The following PXDNL variants were observed in gnomAD, a reference collection of about 807,000 sequenced individuals.
The protein encoded by PXDNL is probable oxidoreductase PXDNL.
Under a neutral mutation model 150.8 loss-of-function variants are expected in PXDNL, and 145 were observed. The ratio of observed to expected loss-of-function variants is 0.96; its 90% confidence interval spans 0.84 to 1.10. The LOEUF (loss-of-function observed/expected upper bound fraction) is 1.10. Among genes scored for constraint, PXDNL ranks in the 50% least tolerant of loss-of-function variants. PXDNL has a pLI of 0.00. For synonymous variants in PXDNL, 757 were observed against 725.7 expected (o/e 1.04, Z -0.69); for missense variants, 2,087 against 1,873.9 (o/e 1.11, Z -2.10).
In PXDNL at chr8:51,533,729, C is replaced by T. The variant is rs561104590; in HGVS notation, c.380+23111G>A. ...CTCCAGCTCCTAACCGCGAGTGATC[C>T]GCCAGCCTCGGCCTCCCGAGGTGCC... On this transcript the variant is annotated intron_variant, in intron 4 of 22. Transcript: ENST00000356297. Among the ~76,000 whole-genome samples the T allele has an allele frequency of 5.4e-4, 82 of 151,144 alleles. 2 individuals carry two copies. In the South Asian group the frequency reaches 0.017, roughly 31 times the overall value.
At chr8:51,691,316 G>A (rs1815992102) in intron 1 of PXDNL, among the ~76,000 whole-genome samples, 1 of 152,198 alleles carries the variant, frequency 6.6e-6, no homozygotes, top group Non-Finnish European at 1.5e-5. Flanking sequence ...TAACATTTAA[G>A]TCTTTAATCC....
chr8:51,644,736 T>C (rs4873567), intron 2 of PXDNL, among the ~76,000 whole-genome samples: 125,868 of 151,484 alleles, frequency 0.83, 52,639 homozygotes, highest in African/African-American at 0.92. Flanking sequence ...GGATTACAGG[T>C]GTGAGTCACC....
intron 17 of PXDNL, among the ~76,000 whole-genome samples, chr8:51,402,428 A>T (rs1808282897): frequency 6.6e-6 from 1 of 151,986 alleles, no homozygotes; most frequent in Non-Finnish European, 1.5e-5. Context: ...CTGAGGCAGG[A>T]GAATCACTTG....
intron 1 of PXDNL, among the ~76,000 whole-genome samples, chr8:51,778,227 C>T (rs979866318): frequency 1.3e-5 from 2 of 150,878 alleles, no homozygotes; most frequent in Non-Finnish European, 2.9e-5. Context: ...TGCAGTGAGC[C>T]GAGATCGCGC....
intron 1 of PXDNL, among the ~76,000 whole-genome samples, chr8:51,767,108 TG>T (rs2037240048): frequency 6.6e-6 from 1 of 152,126 alleles, no homozygotes; most frequent in South Asian, 2.1e-4. Context: ...CTTTAGTTCT[TG>T]GAACATATTT....
At chr8:51,341,258 A>G (rs1805977623) in intron 20 of PXDNL, among the ~76,000 whole-genome samples, 1 of 152,224 alleles carries the variant, frequency 6.6e-6, no homozygotes, top group African/African-American at 2.4e-5. Flanking sequence ...CAACAATACT[A>G]CATTTTAAGC....
At chr8:51,490,590 T>C (rs964766256) in intron 5 of PXDNL, among the ~76,000 whole-genome samples, 13 of 149,872 alleles carry the variant, frequency 8.7e-5, no homozygotes, top group African/African-American at 2.9e-4. Flanking sequence ...TGTATATGTA[T>C]ATATATATAT....
chr8:51,781,758 T>C (rs1201645282), intron 1 of PXDNL, among the ~76,000 whole-genome samples: 1 of 152,240 alleles, frequency 6.6e-6, no homozygotes, highest in African/African-American at 2.4e-5. Context: ...GCTGCTCACA[T>C]GAGCTCACGA....
intron 17 of PXDNL, among the ~76,000 whole-genome samples, chr8:51,402,688 C>T (rs760950854): frequency 8.5e-5 from 13 of 152,148 alleles, no homozygotes; most frequent in Non-Finnish European, 1.5e-4. Flanking sequence ...GGCCCATGGC[C>T]TCTCTGGAAA....
chr8:51,784,284 A>ATC (rs2037441040), intron 1 of PXDNL, among the ~76,000 whole-genome samples: 1 of 152,220 alleles, frequency 6.6e-6, no homozygotes, highest in African/African-American at 2.4e-5. Flanking sequence ...TCCCTGTAAA[A>ATC]CTACCAAGGA....
chr8:51,522,687 T>A lies in PXDNL; in HGVS notation c.381-22917A>T, dbSNP rs545879645. ...GATGAAACCCCATCTCTACTAAAAC[T>A]ACAAAAATTACCTGGGCATTGTGGT... On this transcript the variant is annotated intron_variant, in intron 4 of 22. Transcript: ENST00000356297. Among the ~76,000 whole-genome samples the A allele has an allele frequency of 7.7e-4, 117 of 152,006 alleles. No individual in the cohort carries two copies. The South Asian group carries it at 0.023, about 30-fold the overall frequency.
intron 12 of PXDNL, 73 bp downstream of exon 12, chr8:51,446,931 C>T: frequency 3.1e-6 from 4 of 1,302,312 alleles, no homozygotes; most frequent in East Asian, 2.3e-5. Flanking sequence ...TCATAAGATC[C>T]CTGTCAGGTG....
At chr8:51,544,358 C>T (rs998800317) in intron 4 of PXDNL, among the ~76,000 whole-genome samples, 5 of 152,002 alleles carry the variant, frequency 3.3e-5, no homozygotes, top group Non-Finnish European at 4.4e-5. Flanking sequence ...CATAAAAATT[C>T]GATGATTATA....
chr8:51,384,550 T>A (rs868194705), intron 17 of PXDNL, among the ~76,000 whole-genome samples: 4 of 77,338 alleles, frequency 5.2e-5, no homozygotes, highest in Non-Finnish European at 8.1e-5. Context: ...TAAAAATAAA[T>A]TCTTCTACAA....
chr8:51,321,856 G>A (rs560492114), intron 21 of PXDNL, among the ~76,000 whole-genome samples: 69 of 152,276 alleles, frequency 4.5e-4, no homozygotes, highest in African/African-American at 1.6e-3. Flanking sequence ...GGGAATGAGG[G>A]GATGCCTGAT....
At chr8:51,556,809 G>T in intron 4 of PXDNL, 31 bp downstream of exon 4, 1 of 1,167,014 alleles carries the variant, frequency 8.6e-7, no homozygotes, top group Non-Finnish European at 1.3e-6. Context: ...GTCACCATGA[G>T]TGATTTAATA....
intron 1 of PXDNL, among the ~76,000 whole-genome samples, chr8:51,719,581 A>G (rs551142949): frequency 7.9e-5 from 12 of 151,396 alleles, no homozygotes; most frequent in Non-Finnish European, 1.6e-4. Flanking sequence ...TCCCTCCACT[A>G]TTGTCCTATG....
At chr8:51,698,240 A>G (rs1328057013) in intron 1 of PXDNL, among the ~76,000 whole-genome samples, 1 of 152,192 alleles carries the variant, frequency 6.6e-6, no homozygotes, top group Non-Finnish European at 1.5e-5. Context: ...GTCAGATAGT[A>G]TTTTACCTAC....
intron 17 of PXDNL, among the ~76,000 whole-genome samples, chr8:51,389,152 T>C (rs1807816445): frequency 6.6e-6 from 1 of 152,182 alleles, no homozygotes; most frequent in Non-Finnish European, 1.5e-5. Context: ...GTTTGGTTTG[T>C]CATTCCCGTG....
Sources: gnomAD v4.1 joint callset for allele counts (sites outside exome capture counted in the v4.1 genomes callset) on GRCh38, gnomAD v4.1.1 for gene constraint, MANE v1.5 for transcripts, NCBI Gene and HGNC (gene_info 2026-07-23, HGNC 2026-07-21) for gene names.